STON1: variants seen among roughly 807,000 people sequenced by gnomAD.
The protein encoded by STON1 is stonin-1.
STON1 carries 79 observed loss-of-function variants against 60.9 expected under a neutral mutation model. The ratio of observed to expected loss-of-function variants is 1.30; its 90% CI spans 1.08 to 1.56. STON1 has a LOEUF of 1.56. Among genes scored for constraint, STON1 ranks in the 40% most tolerant of loss-of-function variants. The probability of loss-of-function intolerance (pLI) is 0.00; values close to 1 mark genes in which losing one functional copy is unlikely to be tolerated. For synonymous variants in STON1, 363 were observed against 306.9 expected (o/e 1.18, Z -1.91); for missense variants, 1,166 against 858.9 (o/e 1.36, Z -4.47).
chr2:48,544,879 T>G (rs1214077449), intron 1 of STON1, among the ~76,000 whole-genome samples: 1 of 152,238 alleles, frequency 6.6e-6, no homozygotes, highest in Non-Finnish European at 1.5e-5. Context: ...TTGTTTTTGT[T>G]GGCATTGGTT....
rs3828341 is a variant in STON1, at chr2:48,582,265, G to A, written c.1632G>A (p.Gln544=). The A allele has an allele frequency of 1.9e-6, 3 of 1,614,188 alleles. No individual in the cohort carries two copies. The highest frequency in any genetic ancestry group is 2.5e-6 in the Non-Finnish European group (3 of 1,180,040). ...VVVQGAYVEL[Q]AFVNMASLAQ... Reference sequence around the variant, plus strand: ...TCCAGGGAGCATACGTGGAACTTCAGGCTTTTGTCAACATGGCCTCATTGG... The same window carrying A: ...TCCAGGGAGCATACGTGGAACTTCAAGCTTTTGTCAACATGGCCTCATTGG... The change falls in exon 2 of 4, where the codon CAG becomes CAA. Residue 544 remains glutamine, a synonymous_variant. Transcript: ENST00000404752.
chr2:48,595,364 C>A lies in STON1; in HGVS notation c.*62C>A. 7.1e-7 allele frequency: 1 copy of A among 1,414,164 alleles called. No homozygotes were observed. The highest frequency in any genetic ancestry group is 1.0e-6 in the Non-Finnish European group (1 of 1,003,366). The allele number at this position is 1,414,164 out of a possible 1,614,324, so 87.6% of individuals were successfully genotyped here. A position where few individuals can be genotyped will look rare whatever the true frequency, so the allele number is the denominator to read the frequency against. ...AATATGTAATTCACCGAAACCACAC[C>A]AAGTCCTGCTACTGTAGAGTGGAAA... On this transcript the variant is annotated 3_prime_UTR_variant, in exon 4 of 4. Transcript: ENST00000404752.
chr2:48,549,770 G>A (rs971822520), intron 1 of STON1, among the ~76,000 whole-genome samples: 6 of 135,748 alleles, frequency 4.4e-5, no homozygotes, highest in African/African-American at 1.7e-4. Flanking sequence ...CCAAGATTGT[G>A]TCACTGCACT....
chr2:48,534,631 C>T (rs1411042784), intron 1 of STON1, among the ~76,000 whole-genome samples: 1 of 151,972 alleles, frequency 6.6e-6, no homozygotes, highest in Non-Finnish European at 1.5e-5. Context: ...CTAAGTGGCA[C>T]AAATTAGTCA....
Position 48,581,030 on chromosome 2 carries a change from C to G in STON1, c.397C>G (p.His133Asp), listed in dbSNP as rs772630448. Residue 133 changes from histidine (H) to aspartate (D), a missense_variant, in exon 2 of 4, where the codon CAT (histidine) becomes GAT (aspartate). Physicochemically the swap from His to Asp is moderately conservative, Grantham distance 81. Transcript: ENST00000404752. ...LLPTRPTCLS[H>D]ALLPSDHSCT... ...GCCTACCAGACCAACATGTTTATCC[C>G]ATGCCTTGTTACCCAGTGACCACTC... is the stretch of plus-strand genomic sequence containing the variant. 71 of 1,574,002 alleles carry G rather than the reference C, an allele frequency of 4.5e-5. No individual in the cohort carries two copies. The highest frequency in any genetic ancestry group is 5.8e-5 in the Non-Finnish European group (68 of 1,164,218).
At chr2:48,538,940 G>A (rs944580909) in intron 1 of STON1, among the ~76,000 whole-genome samples, 1 of 151,774 alleles carries the variant, frequency 6.6e-6, no homozygotes, top group Non-Finnish European at 1.5e-5. Context: ...TTTTAGAGAT[G>A]GGATCTTGCT....
chr2:48,564,714 CTTCTTTCTTTCT>C (rs1204519245), intron 1 of STON1, among the ~76,000 whole-genome samples: 1 of 129,814 alleles, frequency 7.7e-6, no homozygotes, highest in Non-Finnish European at 1.7e-5. Flanking sequence ...TTCCTTATTT[CTTCTTTCTTTCT>C]TTCTTTCTTT....
At chr2:48,530,968 C>T (rs929044377) in intron 1 of STON1, 1 of 152,186 alleles carries the variant, frequency 6.6e-6, no homozygotes, top group African/African-American at 2.4e-5. Context: ...TATTTTTAAC[C>T]CTTCTAACTG....
chr2:48,586,199 C>A (rs1572641595), intron 2 of STON1, among the ~76,000 whole-genome samples: 1 of 152,296 alleles, frequency 6.6e-6, no homozygotes, highest in East Asian at 1.9e-4. Context: ...GTTTATAATA[C>A]TGCATTTTTT....
intron 1 of STON1, among the ~76,000 whole-genome samples, chr2:48,567,875 G>A (rs922839052): frequency 3.3e-5 from 5 of 152,172 alleles, no homozygotes; most frequent in African/African-American, 1.2e-4. Flanking sequence ...ACAGACTGAG[G>A]GTTTGGAAAT....
In STON1 at chr2:48,564,577, T is replaced by TCC. The variant is rs1190906898; in HGVS notation, c.-47-16010_-47-16009insCC. ...CTTCTTCTTCTTCTTCTCCTTCTCC[T>TCC]TCTCCTCCTCCTCCTCCTCCTCCTC... On this transcript the variant is annotated intron_variant, in intron 1 of 3. Transcript: ENST00000404752. Among the ~76,000 whole-genome samples, 42 of 67,566 alleles carry TCC rather than the reference T, an allele frequency of 6.2e-4. 9 individuals carry two copies. The highest frequency in any genetic ancestry group is 8.8e-4 in the Non-Finnish European group (28 of 31,760). The allele number at this position is 67,566 out of a possible 152,430, so 44.3% of individuals were successfully genotyped here. A position where few individuals can be genotyped will look rare whatever the true frequency, so the allele number is the denominator to read the frequency against.
chr2:48,548,545 C>T, intron 1 of STON1, among the ~76,000 whole-genome samples: 1 of 151,172 alleles, frequency 6.6e-6, no homozygotes, highest in East Asian at 1.9e-4. Flanking sequence ...GTTGCCCAGG[C>T]TGGAGTGCAG....
rs140553345 is a variant in STON1, at chr2:48,581,257, A to G, written c.624A>G (p.Ser208=). The part of the protein sequence containing the change: ...LDPPGSKKMF[S]SRNKEMPIDQ... ...CACCAGGAAGCAAAAAGATGTTCTCATCAAGAAACAAGGAGATGCCTATTG... is the reference window on the plus strand; with the variant it reads ...CACCAGGAAGCAAAAAGATGTTCTCGTCAAGAAACAAGGAGATGCCTATTG... Residue 208 remains serine (S), a synonymous_variant, in exon 2 of 4, where the codon TCA becomes TCG. Coordinates refer to ENST00000404752, the MANE Select transcript of STON1 (RefSeq NM_006873.4). 77 of 1,518,540 alleles carry G rather than the reference A, an allele frequency of 5.1e-5. No individual in the cohort carries two copies. The highest frequency in any genetic ancestry group is 2.6e-4 in the African/African-American group (19 of 71,886). The allele number at this position is 1,518,540 out of a possible 1,614,324, so 94.1% of individuals were successfully genotyped here.
intron 1 of STON1, among the ~76,000 whole-genome samples, chr2:48,548,149 C>T (rs1483578333): frequency 2.0e-5 from 3 of 152,206 alleles, no homozygotes; most frequent in African/African-American, 7.2e-5. Context: ...TGTGGCTTGG[C>T]CAGGGCCTTT....
chr2:48,592,712 C>T (rs535906318), intron 3 of STON1, among the ~76,000 whole-genome samples: 4 of 151,820 alleles, frequency 2.6e-5, no homozygotes, highest in South Asian at 4.2e-4. Flanking sequence ...CTGACCCTCT[C>T]GGCCTCCCCA....
chr2:48,579,765 A>T (rs1229842925), intron 1 of STON1, among the ~76,000 whole-genome samples: 2 of 152,130 alleles, frequency 1.3e-5, no homozygotes, highest in Non-Finnish European at 2.9e-5. Context: ...TTGTTTCTTT[A>T]GTGGTCTTCT....
chr2:48,566,887 C>T (rs184771333), intron 1 of STON1, among the ~76,000 whole-genome samples: 2 of 152,188 alleles, frequency 1.3e-5, no homozygotes, highest in African/African-American at 2.4e-5. Flanking sequence ...TTGTTCAAGT[C>T]GTTACAGGCT....
intron 2 of STON1, among the ~76,000 whole-genome samples, chr2:48,590,077 A>G (rs148981962): frequency 4.5e-4 from 69 of 152,364 alleles, no homozygotes; most frequent in Admixed American, 6.5e-4. Flanking sequence ...GAATGCCTGC[A>G]GTAAGTGTAA....
In STON1 at chr2:48,547,942, G is replaced by C. The variant is rs766934011; in HGVS notation, c.-48+17726G>C. 5.9e-5 allele frequency among the ~76,000 whole-genome samples: 9 copies of C among 152,182 alleles called. No individual in the cohort carries two copies. In the East Asian group the frequency reaches 1.5e-3, roughly 26 times the overall value. ...GAATTGTGAGCATTGGGCTAGATGC[G>C]TTTTAAAGTTTTTTTCTGCTTCTCA... is the stretch of plus-strand genomic sequence containing the variant. On this transcript the variant is annotated intron_variant, in intron 1 of 3. Transcript: ENST00000404752.
Sources: allele counts gnomAD v4.1 joint callset (sites outside exome capture counted in the v4.1 genomes callset), GRCh38; gene constraint gnomAD v4.1.1; transcripts MANE v1.5; gene names NCBI Gene and HGNC (gene_info 2026-07-23, HGNC 2026-07-21).